The following GALNT13 variants were observed in gnomAD, a reference collection of about 807,000 sequenced individuals.
GALNT13 encodes the protein polypeptide N-acetylgalactosaminyltransferase 13, also known as UDP-GalNAc:polypeptide N-acetylgalactosaminyltransferase 13.
Under a neutral mutation model 64.2 loss-of-function variants are expected in GALNT13, and 28 were observed. The ratio of observed to expected loss-of-function variants is 0.44; its 90% CI spans 0.32 to 0.60. The LOEUF (loss-of-function observed/expected upper bound fraction) is 0.60. GALNT13 is among the 20% of genes least tolerant of loss of function. GALNT13 has a pLI of 0.05. For synonymous variants in GALNT13, 214 were observed against 224.6 expected (o/e 0.95, Z 0.42); for missense variants, 577 against 669.8 (o/e 0.86, Z 1.53).
the GALNT13 span, among the ~76,000 whole-genome samples, chr2:153,790,449 C>T: frequency 6.6e-6 from 1 of 152,028 alleles, no homozygotes; most frequent in Non-Finnish European, 1.5e-5. Flanking sequence ...GAGGAACATA[C>T]CTCAAAATAA....
the GALNT13 span, among the ~76,000 whole-genome samples, chr2:153,644,018 A>G: frequency 6.6e-6 from 1 of 151,992 alleles, no homozygotes; most frequent in East Asian, 1.9e-4. Flanking sequence ...CTATCTAACT[A>G]TCACGATTTC....
At chr2:154,448,866 T>A (rs753297819) in intron 12 of GALNT13, among the ~76,000 whole-genome samples, 2 of 152,012 alleles carry the variant, frequency 1.3e-5, no homozygotes, top group Non-Finnish European at 2.9e-5. Context: ...TGAAAAATCA[T>A]ACTTTTTTTA....
chr2:153,367,335 T>C, the GALNT13 span, among the ~76,000 whole-genome samples: 2 of 152,088 alleles, frequency 1.3e-5, no homozygotes, highest in Non-Finnish European at 2.9e-5. Context: ...TGTGAAGCAG[T>C]ATGACATGAT....
intron 1 of GALNT13, among the ~76,000 whole-genome samples, chr2:153,885,180 A>G (rs549506469): frequency 1.1e-3 from 160 of 152,144 alleles, no homozygotes; most frequent in African/African-American, 3.7e-3. Context: ...AATAAAGTGA[A>G]CTAGAATTTT....
intron 11 of GALNT13, among the ~76,000 whole-genome samples, chr2:154,418,671 T>C (rs985808641): frequency 6.6e-6 from 1 of 152,176 alleles, no homozygotes; most frequent in Non-Finnish European, 1.5e-5. Context: ...AGAGAATAAA[T>C]TCCTGTTTAA....
the GALNT13 span, among the ~76,000 whole-genome samples, chr2:153,456,316 T>A: frequency 6.6e-6 from 1 of 152,158 alleles, no homozygotes; most frequent in African/African-American, 2.4e-5. Context: ...TGAAATTGCA[T>A]CAAAATGCTG....
intron 9 of GALNT13, among the ~76,000 whole-genome samples, chr2:154,367,908 A>G (rs903806377): frequency 6.6e-6 from 1 of 152,070 alleles, no homozygotes; most frequent in Non-Finnish European, 1.5e-5. Context: ...ACTGTGAGTA[A>G]AAAGTTCAAG....
Position 154,297,302 on chromosome 2 carries a change from T to C in GALNT13, c.976-4107T>C, listed in dbSNP as rs543320887. Among the ~76,000 whole-genome samples, 4 of 152,266 alleles carry C rather than the reference T, an allele frequency of 2.6e-5. No individual in the cohort carries two copies. The South Asian group carries it at 8.3e-4, about 32-fold the overall frequency. Reference sequence around the variant, plus strand: ...GTCTGTTGAATTGACAGATAAGAGATGCTGGTGATTAGGACAAGGATGGTG... The same window carrying C: ...GTCTGTTGAATTGACAGATAAGAGACGCTGGTGATTAGGACAAGGATGGTG... On this transcript the variant is annotated intron_variant, in intron 8 of 12. Coordinates refer to ENST00000392825, the MANE Select transcript of GALNT13 (RefSeq NM_052917.4).
At chr2:154,121,111 G>A (rs554559499) in intron 3 of GALNT13, among the ~76,000 whole-genome samples, 2 of 152,304 alleles carry the variant, frequency 1.3e-5, no homozygotes, top group Non-Finnish European at 2.9e-5. Flanking sequence ...AGGGAATAAA[G>A]TGGTTTAGTT....
the GALNT13 span, chr2:153,761,692 T>A: frequency 6.5e-6 from 1 of 153,306 alleles, no homozygotes; most frequent in East Asian, 1.9e-4. Flanking sequence ...GATTAGGTGA[T>A]GCTTTTCATA....
the GALNT13 span, among the ~76,000 whole-genome samples, chr2:153,746,243 A>G: frequency 6.6e-6 from 1 of 152,188 alleles, no homozygotes; most frequent in Non-Finnish European, 1.5e-5. Flanking sequence ...TTTTAAAAAC[A>G]AAAATACCAA....
chr2:153,888,542 C>A (rs566961392), intron 1 of GALNT13, among the ~76,000 whole-genome samples: 1 of 152,036 alleles, frequency 6.6e-6, no homozygotes, highest in East Asian at 1.9e-4. Flanking sequence ...AATGTTGGGT[C>A]CTCATTTGCA....
At chr2:153,745,316 C>T in the GALNT13 span, among the ~76,000 whole-genome samples, 11 of 152,240 alleles carry the variant, frequency 7.2e-5, no homozygotes, top group East Asian at 1.9e-3. Context: ...TTATAGAAAT[C>T]GAGTCCTACA....
At chr2:154,143,980 T>C (rs1683421393) in intron 4 of GALNT13, among the ~76,000 whole-genome samples, 1 of 150,906 alleles carries the variant, frequency 6.6e-6, no homozygotes, top group Non-Finnish European at 1.5e-5. Flanking sequence ...TGTGGAGCAA[T>C]CCAACATTTT....
At chr2:154,167,136 GAAAAT>G (rs1357935104) in intron 4 of GALNT13, among the ~76,000 whole-genome samples, 1 of 151,964 alleles carries the variant, frequency 6.6e-6, no homozygotes, top group Non-Finnish European at 1.5e-5. Flanking sequence ...TAATAAAAAT[GAAAAT>G]AAAATTAAAA....
At chr2:153,503,630 A>G in the GALNT13 span, among the ~76,000 whole-genome samples, 1 of 151,928 alleles carries the variant, frequency 6.6e-6, no homozygotes, top group Non-Finnish European at 1.5e-5. Flanking sequence ...TAGTAGAGAC[A>G]AGGTTTCACC....
the GALNT13 span, among the ~76,000 whole-genome samples, chr2:153,432,676 T>A: frequency 6.6e-6 from 1 of 151,996 alleles, no homozygotes; most frequent in African/African-American, 2.4e-5. Context: ...TCTTCTGGAC[T>A]GTTTTTCTGA....
chr2:154,079,018 A>G (rs1440474400), intron 3 of GALNT13, among the ~76,000 whole-genome samples: 2 of 151,688 alleles, frequency 1.3e-5, no homozygotes, highest in African/African-American at 4.8e-5. Flanking sequence ...TCATTTCAAG[A>G]TAATTTCCTT....
rs776034492 is a variant in GALNT13 at position 154,440,156 on chromosome 2, G to A, written c.1530+1430G>A. Among the ~76,000 whole-genome samples the A allele has an allele frequency of 3.3e-5, 5 of 152,074 alleles. No homozygotes were observed. In the East Asian group the frequency reaches 7.7e-4, roughly 23 times the overall value. On this transcript the variant is annotated intron_variant, in intron 12 of 12. Transcript: ENST00000392825. ...TTGTTCTTCTTGTTGTTACTGTTCC[G>A]TTTCTACCAGGAACCTGGGGCTCTA...
Sources: allele counts gnomAD v4.1 joint callset (sites outside exome capture counted in the v4.1 genomes callset), GRCh38; gene constraint gnomAD v4.1.1; transcripts MANE v1.5; gene names NCBI Gene and HGNC (gene_info 2026-07-23, HGNC 2026-07-21).